MPC1: variants seen among roughly 807,000 people sequenced by gnomAD.
MPC1 encodes mitochondrial pyruvate carrier 1, also known as HSPC040 protein.
MPC1 carries 6 observed loss-of-function variants against 13.9 expected under a neutral mutation model. The observed-to-expected ratio is 0.43, with a 90% confidence interval of 0.24 to 0.85. The LOEUF is 0.85. Among genes scored for constraint, MPC1 ranks in the 40% least tolerant of loss-of-function variants. The pLI is 0.24. For missense variants in MPC1, 115 were observed against 143.3 expected (o/e 0.80, Z 1.01); for synonymous variants, 47 against 50.5 (o/e 0.93, Z 0.29).
chr6:166,371,658 C>A, intron 1 of MPC1, among the ~76,000 whole-genome samples: 1 of 151,958 alleles, frequency 6.6e-6, no homozygotes, highest in East Asian at 1.9e-4. Context: ...ATACAGTAGT[C>A]CCCCTTATCC....
At chr6:166,371,375 A>G (rs970597945) in intron 1 of MPC1, among the ~76,000 whole-genome samples, 1 of 152,242 alleles carries the variant, frequency 6.6e-6, no homozygotes. Flanking sequence ...ATACACCAAA[A>G]ACTTATATTG....
At chr6:166,370,168 A>C (rs771154912) in intron 2 of MPC1, 50 bp downstream of exon 2, 2 of 781,064 alleles carry the variant, frequency 2.6e-6, no homozygotes, top group South Asian at 2.7e-5. Flanking sequence ...TAACTCTGTT[A>C]ATGCAGAAAG....
At chr6:166,376,113 GAACT>G (rs1160282648) in intron 1 of MPC1, among the ~76,000 whole-genome samples, 3 of 152,082 alleles carry the variant, frequency 2.0e-5, no homozygotes, top group Admixed American at 6.6e-5. Context: ...CAGAGAGACA[GAACT>G]AATAGAAGAT....
At chr6:166,367,006 C>T (rs762419969) in intron 2 of MPC1, 115 bp from the exon 3 acceptor site, 35 of 1,561,356 alleles carry the variant, frequency 2.2e-5, no homozygotes, top group Non-Finnish European at 2.9e-5. Flanking sequence ...AACAAATCTT[C>T]GTTTCCATCT....
intron 3 of MPC1, 31 bp downstream of exon 3, chr6:166,366,764 T>A (rs1259321673): frequency 6.3e-7 from 1 of 1,599,558 alleles, no homozygotes; most frequent in Non-Finnish European, 8.6e-7. Context: ...ATGTTGAAAG[T>A]CCTCCCAATT....
At chr6:166,379,418 C>T (rs1779684630) in intron 1 of MPC1, among the ~76,000 whole-genome samples, 1 of 152,178 alleles carries the variant, frequency 6.6e-6, no homozygotes, top group Non-Finnish European at 1.5e-5. Context: ...CACTCAAGCC[C>T]AGGAGTGGGA....
At chr6:166,375,701 G>A (rs376453954) in intron 1 of MPC1, among the ~76,000 whole-genome samples, 2 of 152,120 alleles carry the variant, frequency 1.3e-5, no homozygotes, top group East Asian at 3.9e-4. Context: ...AAGTATCGGG[G>A]ATTTTCCAGC....
intron 3 of MPC1, 87 bp downstream of exon 3, chr6:166,366,708 G>GT: frequency 7.8e-7 from 1 of 1,281,588 alleles, no homozygotes; most frequent in East Asian, 2.3e-5. Flanking sequence ...AATAGTGACT[G>GT]TAACATCTAG....
At chr6:166,378,986 T>C (rs1375790143) in intron 1 of MPC1, among the ~76,000 whole-genome samples, 1 of 152,226 alleles carries the variant, frequency 6.6e-6, no homozygotes, top group Admixed American at 6.5e-5. Flanking sequence ...TTTAACGGTA[T>C]TATTATCACA....
chr6:166,369,500 G>A (rs1402246972), intron 2 of MPC1: 1 of 158,300 alleles, frequency 6.3e-6, no homozygotes, highest in East Asian at 1.9e-4. Context: ...ATACACTTAT[G>A]ACTGTAAGTG....
intron 1 of MPC1, among the ~76,000 whole-genome samples, chr6:166,379,550 T>C (rs936259452): frequency 3.3e-5 from 5 of 152,216 alleles, no homozygotes; most frequent in Non-Finnish European, 7.3e-5. Flanking sequence ...ACTTGATTCA[T>C]AAAACATGAT....
chr6:166,374,478 G>A (rs1221095398), intron 1 of MPC1, among the ~76,000 whole-genome samples: 1 of 152,052 alleles, frequency 6.6e-6, no homozygotes, highest in Non-Finnish European at 1.5e-5. Context: ...CTTTGGTCTT[G>A]TATCAGAAAA....
In MPC1 at chr6:166,382,909, T is replaced by C. The variant is rs1183461907; in HGVS notation, c.-33A>G. The stretch of plus-strand genomic sequence containing the variant: ...CCGACACCAGACCCCGAGTGGTCCC[T>C]GCCTCTGCTGCCGCTTCCCAGAGCC... On this transcript the variant is annotated 5_prime_UTR_variant, in exon 1 of 5. Coordinates refer to ENST00000360961, the MANE Select transcript of MPC1 (RefSeq NM_016098.4). 6 of 1,573,904 alleles carry C rather than the reference T, an allele frequency of 3.8e-6. No individual in the cohort carries two copies. In the Admixed American group the frequency reaches 7.0e-5, roughly 18 times the overall value.
At chr6:166,368,898 T>C (rs1481887978) in intron 2 of MPC1, 4 of 985,300 alleles carry the variant, frequency 4.1e-6, no homozygotes, top group Admixed American at 1.2e-4. Context: ...CACTGTATGG[T>C]GGTGTTGCTG....
chr6:166,371,905 T>A (rs1427904938), intron 1 of MPC1, among the ~76,000 whole-genome samples: 1 of 152,158 alleles, frequency 6.6e-6, no homozygotes, highest in Non-Finnish European at 1.5e-5. Context: ...TACTGTAATA[T>A]TTTTTTGGAC....
intron 3 of MPC1, among the ~76,000 whole-genome samples, 170 bp from the exon 4 acceptor site, chr6:166,366,276 T>G (rs541767822): frequency 3.9e-5 from 6 of 152,304 alleles, no homozygotes; most frequent in African/African-American, 1.4e-4. Flanking sequence ...AGGAAGCTCA[T>G]AAAAAAATTT....
At chr6:166,371,602 G>C (rs1339466090) in intron 1 of MPC1, among the ~76,000 whole-genome samples, 2 of 152,202 alleles carry the variant, frequency 1.3e-5, no homozygotes, top group Admixed American at 6.5e-5. Context: ...AGAGAGCACA[G>C]AGATTATAAT....
chr6:166,381,177 T>C (rs1397273191), intron 1 of MPC1, among the ~76,000 whole-genome samples: 1 of 152,160 alleles, frequency 6.6e-6, no homozygotes, highest in Non-Finnish European at 1.5e-5. Context: ...TGCTACCTTG[T>C]TCACATTTTT....
rs1779110264 is a variant in MPC1 at position 166,365,361 on chromosome 6, T to C, written c.*68A>G. ...TTTTCCTTAGGGAGGCTATTTATAA[T>C]GAAATCTGTGACTCAGCAGCAGCTG... On this transcript the variant is annotated 3_prime_UTR_variant, in exon 5 of 5. Transcript: ENST00000360961. The surrounding 1 kb of genome is among the most constrained non-coding windows in gnomAD (Gnocchi z 4.2). 3 of 1,342,780 alleles carry C rather than the reference T, an allele frequency of 2.2e-6. No individual in the cohort carries two copies. Among genetic ancestry groups the C allele is most frequent in the Non-Finnish European group, 3.0e-6 (3 of 1,010,066 alleles). 83.2% of individuals were successfully genotyped at this position (1,342,780 alleles called of 1,614,324 possible).
Sources: allele counts gnomAD v4.1 joint callset (sites outside exome capture counted in the v4.1 genomes callset), GRCh38; gene constraint gnomAD v4.1.1; non-coding constraint Gnocchi (gnomAD v3.1); transcripts MANE v1.5; gene names NCBI Gene and HGNC (gene_info 2026-07-23, HGNC 2026-07-21).